IGSF11: variants seen among roughly 807,000 people sequenced by gnomAD.
The protein encoded by IGSF11 is CXADR like 1.
In IGSF11, 22 loss-of-function variants were observed where a neutral mutation model predicts 41.0. That is an observed-to-expected ratio of 0.54 (90% confidence interval 0.38 to 0.77). IGSF11 has a LOEUF of 0.77. Ranked by LOEUF, IGSF11 falls within the 30% of genes least tolerant of loss-of-function variation. The pLI is 0.00. For synonymous variants in IGSF11, 219 were observed against 201.3 expected, an observed-to-expected ratio of 1.09 and a Z score of -0.74; for missense variants, 444 against 530.8, an observed-to-expected ratio of 0.84 and a Z score of 1.61.
At chr3:119,010,304 A>T (rs1291995792) in intron 1 of IGSF11, among the ~76,000 whole-genome samples, 3 of 152,228 alleles carry the variant, frequency 2.0e-5, no homozygotes, top group Non-Finnish European at 2.9e-5. Context: ...TGTCTTGTTT[A>T]AAAGGAATAA....
At chr3:118,943,964 C>A (rs899352719) in intron 1 of IGSF11, among the ~76,000 whole-genome samples, 1 of 152,228 alleles carries the variant, frequency 6.6e-6, no homozygotes, top group African/African-American at 2.4e-5. Flanking sequence ...ATAAAGCCAT[C>A]TGAAACCATC....
intron 1 of IGSF11, among the ~76,000 whole-genome samples, chr3:119,111,103 C>T (rs1165919066): frequency 3.9e-5 from 6 of 151,924 alleles, no homozygotes; most frequent in African/African-American, 1.2e-4. Flanking sequence ...ATCTTTATGG[C>T]GTTCTCTGTA....
chr3:118,971,577 G>C (rs1304816506), intron 1 of IGSF11, among the ~76,000 whole-genome samples: 1 of 152,074 alleles, frequency 6.6e-6, no homozygotes, highest in East Asian at 1.9e-4. Flanking sequence ...GGCCGAGGTG[G>C]GTGCATCACG....
At chr3:119,006,047 C>T (rs1316564148) in intron 1 of IGSF11, among the ~76,000 whole-genome samples, 1 of 110,742 alleles carries the variant, frequency 9.0e-6, no homozygotes, top group Non-Finnish European at 1.7e-5. Context: ...TGGATAATAT[C>T]CTGCAGAGTG....
rs139367586 is a variant in IGSF11 at position 118,981,908 on chromosome 3, G to A, written c.53-51633C>T. On this transcript the variant is annotated intron_variant, in intron 1 of 6. Transcript: ENST00000393775. ...TGGATGACTCCCCTTCCTCCTGCTG[G>A]CCCTGAGGTGTGCTGCCCTCTTCTT... The A allele has an allele frequency of 2.4e-3, 364 of 153,262 alleles. 4 individuals carry two copies. The highest frequency in any genetic ancestry group is 0.011 in the Admixed American group (161 of 15,306). The allele number at this position is 153,262 out of a possible 1,614,324, so 9.5% of individuals were successfully genotyped here.
chr3:119,007,953 A>G (rs1452673619), intron 1 of IGSF11, among the ~76,000 whole-genome samples: 1 of 152,134 alleles, frequency 6.6e-6, no homozygotes, highest in Non-Finnish European at 1.5e-5. Context: ...CTCTACTAAA[A>G]TAGCCTTATC....
chr3:119,086,231 G>A (rs2076669820), intron 1 of IGSF11, among the ~76,000 whole-genome samples: 1 of 152,014 alleles, frequency 6.6e-6, no homozygotes, highest in African/African-American at 2.4e-5. Flanking sequence ...GAGAAACAAG[G>A]GATTATGTAA....
intron 1 of IGSF11, among the ~76,000 whole-genome samples, chr3:119,026,182 T>G (rs1939805895): frequency 6.6e-6 from 1 of 152,236 alleles, no homozygotes; most frequent in Non-Finnish European, 1.5e-5. Flanking sequence ...TATGTTACTT[T>G]TAGATGTTTT....
chr3:118,965,324 A>C (rs1945593901), intron 1 of IGSF11, among the ~76,000 whole-genome samples: 1 of 152,126 alleles, frequency 6.6e-6, no homozygotes, highest in African/African-American at 2.4e-5. Flanking sequence ...TCCTTAGCTA[A>C]ATGTGTGAGC....
At chr3:118,952,154 A>G (rs906108539) in intron 1 of IGSF11, among the ~76,000 whole-genome samples, 5 of 152,188 alleles carry the variant, frequency 3.3e-5, no homozygotes, top group African/African-American at 1.2e-4. Context: ...AAAACACTTC[A>G]TGGCTAAAAA....
At chr3:118,934,544 T>C (rs1369333653) in intron 1 of IGSF11, among the ~76,000 whole-genome samples, 1 of 149,416 alleles carries the variant, frequency 6.7e-6, no homozygotes, top group East Asian at 1.9e-4. Flanking sequence ...ATATAAATGC[T>C]AATGGCTTTC....
upstream of IGSF11, among the ~76,000 whole-genome samples, chr3:119,036,604 A>G (rs928384232): frequency 1.1e-4 from 17 of 152,200 alleles, no homozygotes; most frequent in Non-Finnish European, 1.9e-4. Context: ...TAAAGCTCTG[A>G]TAAAGCAAGT....
chr3:118,926,501 G>T (rs1436001767), intron 3 of IGSF11, among the ~76,000 whole-genome samples: 1 of 152,144 alleles, frequency 6.6e-6, no homozygotes, highest in African/African-American at 2.4e-5. Flanking sequence ...TTCACTCTTT[G>T]ATTATAGTTC....
intron 3 of IGSF11, 76 bp downstream of exon 3, chr3:118,928,432 CA>C: frequency 1.8e-6 from 2 of 1,139,168 alleles, no homozygotes; most frequent in South Asian, 2.6e-5. Flanking sequence ...GGTGTAGAAA[CA>C]AGGGCAGAAG....
At chr3:119,022,667 A>G (rs1376216344) in intron 1 of IGSF11, among the ~76,000 whole-genome samples, 1 of 152,162 alleles carries the variant, frequency 6.6e-6, no homozygotes, top group Non-Finnish European at 1.5e-5. Context: ...ACATACATAC[A>G]CACACAGACA....
At chr3:119,108,147 G>A (rs375145503), upstream of IGSF11, among the ~76,000 whole-genome samples, 2,498 of 86,158 alleles carry the variant, frequency 0.029, no homozygotes, top group Middle Eastern at 0.071. Context: ...AGCTTGATGG[G>A]GATGACATTG....
chr3:119,042,291 T>C (rs766153216), intron 1 of IGSF11, among the ~76,000 whole-genome samples: 3 of 152,148 alleles, frequency 2.0e-5, no homozygotes, highest in Non-Finnish European at 4.4e-5. Flanking sequence ...ATAGTGCACA[T>C]TGGAGTGCTC....
chr3:118,926,034 A>G (rs900433518), intron 4 of IGSF11, 67 bp downstream of exon 4: 3 of 1,200,620 alleles, frequency 2.5e-6, no homozygotes, highest in Admixed American at 2.7e-5. Context: ...ATTAAAGTTA[A>G]TTACTTTTTG....
At chr3:119,029,402 C>T (rs1275203252) in intron 1 of IGSF11, among the ~76,000 whole-genome samples, 2 of 152,194 alleles carry the variant, frequency 1.3e-5, no homozygotes, top group South Asian at 2.1e-4. Context: ...CACACTCCCA[C>T]ATACCCCACC....
Sources: gnomAD v4.1 joint callset for allele counts (sites outside exome capture counted in the v4.1 genomes callset) on GRCh38, gnomAD v4.1.1 for gene constraint, MANE v1.5 for transcripts, NCBI Gene and HGNC (gene_info 2026-07-23, HGNC 2026-07-21) for gene names.